Variants in NR4A3 observed in about 807,000 individuals in gnomAD.
NR4A3 encodes the protein chondrosarcoma, extraskeletal myxoid, fused to EWS.
NR4A3 carries 13 observed loss-of-function variants against 55.6 expected under a neutral mutation model. That is an observed-to-expected ratio of 0.23 (90% CI 0.15 to 0.37). The LOEUF (loss-of-function observed/expected upper bound fraction) is 0.37. Among genes scored for constraint, NR4A3 ranks in the 10% least tolerant of loss-of-function variants. NR4A3 has a pLI of 1.00. For missense variants in NR4A3, 646 were observed against 822.8 expected, an observed-to-expected ratio of 0.79 and a Z score of 2.63; for synonymous variants, 342 against 357.9, an observed-to-expected ratio of 0.96 and a Z score of 0.50.
At chr9:99,829,737 TC>T (rs1307520169) in intron 3 of NR4A3, among the ~76,000 whole-genome samples, 1 of 152,178 alleles carries the variant, frequency 6.6e-6, no homozygotes, top group East Asian at 1.9e-4. Flanking sequence ...TAGGAACCTT[TC>T]CCTACCTCTG....
intron 7 of NR4A3, among the ~76,000 whole-genome samples, chr9:99,858,286 C>T (rs796373370): frequency 3.3e-5 from 5 of 152,280 alleles, no homozygotes; most frequent in African/African-American, 9.6e-5. Flanking sequence ...TGAGCACAGA[C>T]CTAAATATAG....
At chr9:99,838,065 C>A (rs1827590863) in intron 5 of NR4A3, among the ~76,000 whole-genome samples, 1 of 152,184 alleles carries the variant, frequency 6.6e-6, no homozygotes, top group African/African-American at 2.4e-5. Context: ...CATTGTACAT[C>A]AGTGCAGTCA....
chr9:99,828,864 TC>T lies in NR4A3; in HGVS notation c.825del (p.Ser276AlafsTer61). 2 of 1,496,322 alleles carry T rather than the reference TC, an allele frequency of 1.3e-6. No individual in the cohort carries two copies. Among genetic ancestry groups the T allele is most frequent in the Admixed American group, 2.1e-5 (1 of 47,248 alleles). The allele number at this position is 1,496,322 out of a possible 1,614,324, so 92.7% of individuals were successfully genotyped here. ...PTASSLLGESPSLPSPPSRSS... is the reference protein window; with the variant it reads ...PTASSLLGESXSLPSPPSRSS... ...CCGCGTCCAGCCTGCTGGGCGAGAG[TC>T]CCAGCCTGCCGTCGCCGCCCAGCAG... On this transcript the variant is annotated frameshift_variant, in exon 3 of 8. Transcript: ENST00000395097. LOFTEE classifies it high-confidence loss of function. This position sits in a 1 kb window ranked among gnomAD's most constrained non-coding sequence, Gnocchi z 7.7.
chr9:99,826,063 AT>A (rs2118500766), intron 2 of NR4A3, among the ~76,000 whole-genome samples: 1 of 152,308 alleles, frequency 6.6e-6, no homozygotes, highest in Non-Finnish European at 1.5e-5. Context: ...CTCAAAATTA[AT>A]TTTCCTAAGA....
chr9:99,840,821 G>A (rs1175261259), intron 5 of NR4A3, among the ~76,000 whole-genome samples: 6 of 152,176 alleles, frequency 3.9e-5, no homozygotes, highest in Non-Finnish European at 7.3e-5. Context: ...GGGAGGATCT[G>A]CCCTGAATTT....
intron 3 of NR4A3, 108 bp downstream of exon 3, chr9:99,829,101 G>C (rs1363244742): frequency 7.6e-6 from 9 of 1,182,856 alleles, no homozygotes; most frequent in Admixed American, 4.2e-5. Flanking sequence ...AGCTGTAATC[G>C]GCACATCATG....
rs1348395030 is a variant in NR4A3, at chr9:99,865,790, GATT to G, written c.*1926_*1928del. The G allele has an allele frequency of 3.8e-5, 8 of 209,604 alleles. No individual in the cohort carries two copies. The East Asian group carries it at 5.1e-4, about 13-fold the overall frequency. The allele number at this position is 209,604 out of a possible 1,614,324, so 13.0% of individuals were successfully genotyped here. A position where few individuals can be genotyped will look rare whatever the true frequency, so the allele number is the denominator to read the frequency against. On this transcript the variant is annotated 3_prime_UTR_variant, in exon 8 of 8. Coordinates refer to ENST00000395097, the MANE Select transcript of NR4A3 (RefSeq NM_006981.4). The surrounding 1 kb of genome is among the most constrained non-coding windows in gnomAD (Gnocchi z 4.3). ...TTTTCCAAGAGTCATTCTAATATTT[GATT>G]ATGTTATGTGTGCTTTTATGAAAGA...
chr9:99,837,106 G>A (rs1002571218), intron 5 of NR4A3, among the ~76,000 whole-genome samples: 1 of 151,854 alleles, frequency 6.6e-6, no homozygotes, highest in African/African-American at 2.4e-5. Context: ...TTAATCCCTT[G>A]TCGGATGGAT....
chr9:99,851,586 C>A (rs545419912), intron 7 of NR4A3, among the ~76,000 whole-genome samples: 1 of 152,078 alleles, frequency 6.6e-6, no homozygotes, highest in Non-Finnish European at 1.5e-5. Context: ...CTCTCTGTAC[C>A]CCCTCATGAA....
Position 99,866,159 on chromosome 9 carries a change from T to C in NR4A3, c.*2292T>C, listed in dbSNP as rs913803158. ...AGCTTATATGCAAACATAATAAATA[T>C]TATTAAATATCAGGAAAGCTAACAT... On this transcript the variant is annotated 3_prime_UTR_variant, in exon 8 of 8. Transcript: ENST00000395097. 4.3e-5 allele frequency: 9 copies of C among 211,394 alleles called. No homozygotes were observed. Among genetic ancestry groups the C allele is most frequent in the Admixed American group, 2.9e-4 (5 of 17,022 alleles). The allele number at this position is 211,394 out of a possible 1,614,324, so 13.1% of individuals were successfully genotyped here.
chr9:99,846,703 A>C (rs1244946298), intron 6 of NR4A3, among the ~76,000 whole-genome samples: 1 of 152,196 alleles, frequency 6.6e-6, no homozygotes. Context: ...GCTGGAGTGC[A>C]GTGGCACGAT....
intron 7 of NR4A3, among the ~76,000 whole-genome samples, chr9:99,862,582 A>AG (rs1196578469): frequency 1.7e-5 from 2 of 116,184 alleles, no homozygotes; most frequent in East Asian, 2.2e-4. Context: ...AAAAAAAAAA[A>AG]AGAGAGAGAA....
rs1467168616 is a variant in NR4A3, at chr9:99,830,650, T to C, written c.951+1657T>C. 3.3e-5 allele frequency among the ~76,000 whole-genome samples: 5 copies of C among 152,240 alleles called. No individual in the cohort carries two copies. The East Asian group carries it at 9.6e-4, about 29-fold the overall frequency. ...TCATTTTATTTTATTTTTTAGCCAC[T>C]GAGTTTGGCCATTTTTTGTTTTAAC... On this transcript the variant is annotated intron_variant, in intron 3 of 7. Transcript: ENST00000395097.
intron 5 of NR4A3, among the ~76,000 whole-genome samples, chr9:99,839,110 T>C (rs527637156): frequency 1.9e-4 from 29 of 152,330 alleles, no homozygotes; most frequent in Non-Finnish European, 3.4e-4. Context: ...AAATATACAA[T>C]TGCAGTGATG....
At chr9:99,837,167 T>G (rs1827572368) in intron 5 of NR4A3, among the ~76,000 whole-genome samples, 2 of 152,218 alleles carry the variant, frequency 1.3e-5, no homozygotes, top group African/African-American at 2.4e-5. Context: ...TTAAATTGTT[T>G]CCTTTGCTGA....
intron 6 of NR4A3, among the ~76,000 whole-genome samples, chr9:99,846,995 G>A (rs12552142): frequency 1.4e-3 from 209 of 152,290 alleles, no homozygotes; most frequent in African/African-American, 4.6e-3. Flanking sequence ...GTAGTGTCTA[G>A]CCTCAGGCCT....
Position 99,822,228 on chromosome 9 carries a change from C to G in NR4A3, c.-356C>G, listed in dbSNP as rs1022743444. ...CCAGGACGCCCGCGGAACCTCTCGG[C>G]TGTGCTCTCCCATGAGTCGGGATCG... is the stretch of plus-strand genomic sequence containing the variant. On this transcript the variant is annotated 5_prime_UTR_variant, in exon 1 of 8. Coordinates refer to ENST00000395097, the MANE Select transcript of NR4A3 (RefSeq NM_006981.4). This position sits in a 1 kb window ranked among gnomAD's most constrained non-coding sequence, Gnocchi z 4.9. 1.3e-5 allele frequency: 2 copies of G among 152,360 alleles called. No individual in the cohort carries two copies. Among genetic ancestry groups the G allele is most frequent in the Non-Finnish European group, 2.9e-5 (2 of 68,144 alleles). The allele number at this position is 152,360 out of a possible 1,614,324, so 9.4% of individuals were successfully genotyped here. A position where few individuals can be genotyped will look rare whatever the true frequency, so the allele number is the denominator to read the frequency against.
intron 2 of NR4A3, among the ~76,000 whole-genome samples, chr9:99,827,189 T>C (rs1456451024): frequency 6.6e-6 from 1 of 152,220 alleles, no homozygotes; most frequent in African/African-American, 2.4e-5. Flanking sequence ...TTGCCTATTA[T>C]GATAGTTATA....
chr9:99,833,027 A>G (rs906869127), intron 4 of NR4A3, among the ~76,000 whole-genome samples: 2 of 152,210 alleles, frequency 1.3e-5, no homozygotes, highest in Admixed American at 6.6e-5. Context: ...GTATACATAC[A>G]TCTTTGTTCT....
Sources: allele counts gnomAD v4.1 joint callset (sites outside exome capture counted in the v4.1 genomes callset), GRCh38; gene constraint gnomAD v4.1.1; non-coding constraint Gnocchi (gnomAD v3.1); transcripts MANE v1.5; gene names NCBI Gene and HGNC (gene_info 2026-07-23, HGNC 2026-07-21).